FRMD3: variants seen among roughly 807,000 people sequenced by gnomAD.
FRMD3 encodes FERM domain-containing protein 3.
FRMD3 carries 33 observed loss-of-function variants against 70.2 expected under a neutral mutation model. That is an observed-to-expected ratio of 0.47 (90% CI 0.36 to 0.63). The LOEUF is 0.63. Ranked by LOEUF, FRMD3 falls within the 20% of genes least tolerant of loss-of-function variation. FRMD3 has a pLI of 0.00. For synonymous variants in FRMD3, 279 were observed against 255.9 expected (o/e 1.09, Z -0.86); for missense variants, 632 against 711.4 (o/e 0.89, Z 1.27).
At chr9:83,305,255 C>T (rs538189868) in intron 10 of FRMD3, among the ~76,000 whole-genome samples, 5 of 152,310 alleles carry the variant, frequency 3.3e-5, no homozygotes, top group African/African-American at 1.2e-4. Context: ...TAATCAGAGT[C>T]TTCCCAATGA....
intron 1 of FRMD3, among the ~76,000 whole-genome samples, chr9:83,439,213 T>C (rs1409749973): frequency 6.6e-6 from 1 of 152,230 alleles, no homozygotes; most frequent in Non-Finnish European, 1.5e-5. Flanking sequence ...CATAAAACAT[T>C]TAATGTCCAT....
At position 83,275,327 on chromosome 9, in the gene FRMD3, GA is replaced by G. The variant is rs199882746; in HGVS notation, c.1195+15275del. Reference sequence around the variant, plus strand: ...CAATGAAGAACAAAAACAGTATTTTGAAATACTGATCAATGAGCTTCTCCTT... The same window carrying G: ...CAATGAAGAACAAAAACAGTATTTTGAATACTGATCAATGAGCTTCTCCTT... On this transcript the variant is annotated intron_variant, in intron 13 of 13. Transcript: ENST00000304195. Among the ~76,000 whole-genome samples, 924 of 152,292 alleles carry G rather than the reference GA, an allele frequency of 6.1e-3. 13 individuals carry two copies. The highest frequency in any genetic ancestry group is 0.021 in the African/African-American group (857 of 41,552).
At chr9:83,287,751 A>G (rs1480866811) in intron 13 of FRMD3, among the ~76,000 whole-genome samples, 1 of 152,226 alleles carries the variant, frequency 6.6e-6, no homozygotes, top group African/African-American at 2.4e-5. Context: ...AAAAGGAACA[A>G]ATGCCCTCAA....
the FRMD3 span, among the ~76,000 whole-genome samples, chr9:83,568,164 A>G: frequency 2.6e-5 from 4 of 152,228 alleles, no homozygotes; most frequent in African/African-American, 7.2e-5. Context: ...AAGCAAAAGC[A>G]GAAACCCCTG....
chr9:83,576,248 T>G, the FRMD3 span, among the ~76,000 whole-genome samples: 2 of 151,778 alleles, frequency 1.3e-5, no homozygotes, highest in African/African-American at 4.8e-5. Flanking sequence ...TAGCCAAAAA[T>G]CAGTTAATGT....
chr9:83,437,984 C>T (rs1827185643), intron 1 of FRMD3, among the ~76,000 whole-genome samples: 1 of 152,120 alleles, frequency 6.6e-6, no homozygotes. Context: ...GCGGGAAACA[C>T]ACTCAGTTTT....
At chr9:83,404,622 G>GA (rs1334405108) in intron 1 of FRMD3, among the ~76,000 whole-genome samples, 6 of 151,324 alleles carry the variant, frequency 4.0e-5, no homozygotes, top group Non-Finnish European at 7.4e-5. Flanking sequence ...AATATAAAAT[G>GA]AAAAAAAATA....
the FRMD3 span, among the ~76,000 whole-genome samples, chr9:83,584,780 C>A: frequency 1.3e-5 from 2 of 152,174 alleles, no homozygotes; most frequent in South Asian, 4.1e-4. Flanking sequence ...CCAGATTCTG[C>A]ACTCATTGCT....
intron 12 of FRMD3, among the ~76,000 whole-genome samples, chr9:83,294,041 G>T (rs115418319): frequency 9.3e-4 from 141 of 152,272 alleles, no homozygotes; most frequent in African/African-American, 3.3e-3. Context: ...TATTGTGATG[G>T]CCTCAATGTC....
chr9:83,423,509 T>G (rs915614258), intron 1 of FRMD3, among the ~76,000 whole-genome samples: 4 of 151,786 alleles, frequency 2.6e-5, no homozygotes, highest in African/African-American at 9.7e-5. Context: ...CTGCCCCAAT[T>G]TGGTAGCCAC....
intron 6 of FRMD3, among the ~76,000 whole-genome samples, chr9:83,317,546 GCTACAT>G (rs1835634294): frequency 6.6e-6 from 1 of 152,144 alleles, no homozygotes; most frequent in South Asian, 2.1e-4. Context: ...CTTTCTAAAA[GCTACAT>G]GTCATTTATT....
chr9:83,256,117 A>G (rs1832695802), intron 13 of FRMD3, among the ~76,000 whole-genome samples: 1 of 152,188 alleles, frequency 6.6e-6, no homozygotes, highest in Non-Finnish European at 1.5e-5. Context: ...CTGACTTCAA[A>G]CTATACTACA....
rs142431914 is a variant in FRMD3 at position 83,271,761 on chromosome 9, G to T, written c.1195+18842C>A. On this transcript the variant is annotated intron_variant, in intron 13 of 13. Coordinates refer to ENST00000304195, the MANE Select transcript of FRMD3 (RefSeq NM_174938.6). Reference sequence around the variant, plus strand: ...CTGTAAGCTGAGATAACTGCTCTCTGGGGCCCAGCATCACCTTGTAGAGTC... The same window carrying T: ...CTGTAAGCTGAGATAACTGCTCTCTTGGGCCCAGCATCACCTTGTAGAGTC... 7.9e-4 allele frequency among the ~76,000 whole-genome samples: 121 copies of T among 152,312 alleles called. No homozygotes were observed. The East Asian group carries it at 0.02, about 25-fold the overall frequency.
At chr9:83,352,989 T>C (rs548880035) in intron 3 of FRMD3, among the ~76,000 whole-genome samples, 1 of 152,260 alleles carries the variant, frequency 6.6e-6, no homozygotes, top group East Asian at 1.9e-4. Context: ...ATGCTCACTA[T>C]TGAACCCCTT....
At chr9:83,423,585 CTT>C (rs869226126) in intron 1 of FRMD3, among the ~76,000 whole-genome samples, 221 of 60,416 alleles carry the variant, frequency 3.7e-3, no homozygotes, top group African/African-American at 0.012. Flanking sequence ...AGCCCTGTTT[CTT>C]TTTTTTTTTT....
At chr9:83,367,520 T>G (rs1293319440) in intron 3 of FRMD3, among the ~76,000 whole-genome samples, 1 of 152,130 alleles carries the variant, frequency 6.6e-6, no homozygotes, top group Non-Finnish European at 1.5e-5. Flanking sequence ...CCCGCTAAAC[T>G]AGTGGTAAAT....
At chr9:83,484,782 GC>G (rs916928211) in intron 1 of FRMD3, among the ~76,000 whole-genome samples, 15 of 152,170 alleles carry the variant, frequency 9.9e-5, no homozygotes, top group African/African-American at 3.4e-4. Context: ...ATCAAATCTA[GC>G]AAAAGAGAAA....
chr9:83,545,447 T>C, the FRMD3 span, among the ~76,000 whole-genome samples: 3 of 142,438 alleles, frequency 2.1e-5, no homozygotes, highest in African/African-American at 7.7e-5. Context: ...AAGCTCCGCC[T>C]CCTGGGTTCA....
the FRMD3 span, among the ~76,000 whole-genome samples, chr9:83,582,918 G>C: frequency 6.6e-6 from 1 of 152,138 alleles, no homozygotes; most frequent in Non-Finnish European, 1.5e-5. Context: ...TGTAAGAGAC[G>C]TTGCAATTTG....
Sources: gnomAD v4.1 joint callset for allele counts (sites outside exome capture counted in the v4.1 genomes callset) on GRCh38, gnomAD v4.1.1 for gene constraint, MANE v1.5 for transcripts, NCBI Gene and HGNC (gene_info 2026-07-23, HGNC 2026-07-21) for gene names.